Variants in ATXN1 observed in about 807,000 individuals in gnomAD.
ATXN1 encodes ataxin-1.
ATXN1 carries 8 observed loss-of-function variants against 56.4 expected under a neutral mutation model. The ratio of observed to expected loss-of-function variants is 0.14; its 90% CI spans 0.08 to 0.26. The LOEUF is 0.26. Ranked by LOEUF, ATXN1 falls within the 10% of genes least tolerant of loss-of-function variation. ATXN1 has a pLI of 1.00. For synonymous variants in ATXN1, 514 were observed against 494.6 expected (o/e 1.04, Z -0.52); for missense variants, 987 against 1,106.5 (o/e 0.89, Z 1.53).
intron 4 of ATXN1, among the ~76,000 whole-genome samples, chr6:16,582,825 T>C (rs1762553272): frequency 1.3e-5 from 2 of 152,190 alleles, no homozygotes; most frequent in South Asian, 4.1e-4. Flanking sequence ...TCTGAGTCTT[T>C]ATTGATTTTG....
At chr6:16,615,150 A>G (rs947479568) in intron 3 of ATXN1, 1 of 147,658 alleles carries the variant, frequency 6.8e-6, no homozygotes, top group Non-Finnish European at 1.5e-5. Flanking sequence ...AGGATGCTAC[A>G]TGTGCCTTAA....
At chr6:16,374,321 C>T (rs1341316660) in intron 6 of ATXN1, among the ~76,000 whole-genome samples, 2 of 152,192 alleles carry the variant, frequency 1.3e-5, no homozygotes, top group Non-Finnish European at 1.5e-5. Flanking sequence ...AGCTTAAAAA[C>T]TTCCCTACTA....
chr6:16,443,199 C>A (rs1372236650), intron 6 of ATXN1, among the ~76,000 whole-genome samples: 3 of 40,544 alleles, frequency 7.4e-5, no homozygotes, highest in Non-Finnish European at 4.5e-5. Context: ...ATAAATAAAT[C>A]TATTGGAGCA....
At chr6:16,430,658 T>C (rs796144960) in intron 6 of ATXN1, among the ~76,000 whole-genome samples, 48 of 152,322 alleles carry the variant, frequency 3.2e-4, no homozygotes, top group African/African-American at 1.2e-3. Flanking sequence ...TGTCTAGTTT[T>C]TACATAATGT....
chr6:16,670,246 G>T (rs566102119), intron 2 of ATXN1, among the ~76,000 whole-genome samples: 1 of 152,206 alleles, frequency 6.6e-6, no homozygotes, highest in South Asian at 2.1e-4. Context: ...GTCTGGCTCT[G>T]CCGTCACTCA....
chr6:16,640,802 T>C (rs2113820633), intron 3 of ATXN1, among the ~76,000 whole-genome samples: 1 of 152,064 alleles, frequency 6.6e-6, no homozygotes, highest in East Asian at 1.9e-4. Flanking sequence ...ATAAGAAAAC[T>C]AGAAATGATT....
intron 3 of ATXN1, among the ~76,000 whole-genome samples, chr6:16,611,232 T>A (rs1488388913): frequency 6.6e-6 from 1 of 152,190 alleles, no homozygotes. Context: ...ATAAAATGTG[T>A]TAATCTTATC....
intron 4 of ATXN1, among the ~76,000 whole-genome samples, chr6:16,580,671 T>G (rs942824791): frequency 9.9e-5 from 15 of 152,214 alleles, no homozygotes; most frequent in African/African-American, 3.6e-4. Flanking sequence ...TTTATAAAAC[T>G]TTCAAAGAAT....
intron 4 of ATXN1, among the ~76,000 whole-genome samples, chr6:16,569,317 G>A (rs552055604): frequency 4.6e-5 from 7 of 152,174 alleles, no homozygotes; most frequent in South Asian, 2.1e-4. Context: ...TCAGGAGTTC[G>A]AGACCAGCCT....
intron 6 of ATXN1, among the ~76,000 whole-genome samples, chr6:16,464,685 G>C (rs1760067095): frequency 6.6e-6 from 1 of 151,760 alleles, no homozygotes; most frequent in South Asian, 2.1e-4. Flanking sequence ...ATGTGAAAAG[G>C]GTACATACTG....
chr6:16,353,465 G>A (rs1289223223), intron 6 of ATXN1, among the ~76,000 whole-genome samples: 2 of 152,150 alleles, frequency 1.3e-5, no homozygotes, highest in Admixed American at 6.5e-5. Flanking sequence ...TTGGGGTCAG[G>A]AGTTCGAGAC....
At chr6:16,479,513 A>G (rs1031262740) in intron 6 of ATXN1, among the ~76,000 whole-genome samples, 4 of 152,188 alleles carry the variant, frequency 2.6e-5, no homozygotes, top group African/African-American at 4.8e-5. Context: ...TTCTTTTACA[A>G]AAGTGAAAAA....
intron 3 of ATXN1, among the ~76,000 whole-genome samples, chr6:16,643,777 A>ATT (rs1161662965): frequency 1.3e-5 from 2 of 152,182 alleles, no homozygotes; most frequent in African/African-American, 4.8e-5. Flanking sequence ...TGTCTCAGAA[A>ATT]GAGTTCGATC....
intron 6 of ATXN1, among the ~76,000 whole-genome samples, chr6:16,361,847 G>A (rs771962067): frequency 1.1e-4 from 17 of 152,180 alleles, no homozygotes; most frequent in Non-Finnish European, 2.9e-5. Context: ...ATTCTAAATG[G>A]TCAATGTTTC....
intron 2 of ATXN1, among the ~76,000 whole-genome samples, chr6:16,720,604 T>C (rs954551164): frequency 6.6e-6 from 1 of 152,268 alleles, no homozygotes; most frequent in Non-Finnish European, 1.5e-5. Context: ...ATGCTTACTA[T>C]TATTTTTGAA....
At chr6:16,683,066 T>C (rs1305606476) in intron 2 of ATXN1, among the ~76,000 whole-genome samples, 3 of 152,082 alleles carry the variant, frequency 2.0e-5, no homozygotes, top group Non-Finnish European at 4.4e-5. Flanking sequence ...GAGATCTAGG[T>C]TTCCAAAACA....
intron 6 of ATXN1, among the ~76,000 whole-genome samples, chr6:16,413,501 C>A (rs1581745658): frequency 6.6e-6 from 1 of 152,100 alleles, no homozygotes; most frequent in Non-Finnish European, 1.5e-5. Flanking sequence ...GGAACCCAAT[C>A]ATTTCTGAAA....
chr6:16,560,969 G>A (rs1028982576), intron 4 of ATXN1, among the ~76,000 whole-genome samples: 28 of 152,150 alleles, frequency 1.8e-4, no homozygotes, highest in African/African-American at 6.8e-4. Context: ...TTGTTCATAG[G>A]AGAACAAAAT....
At chr6:16,473,650 A>G (rs764946203) in intron 6 of ATXN1, among the ~76,000 whole-genome samples, 33 of 152,168 alleles carry the variant, frequency 2.2e-4, no homozygotes, top group South Asian at 6.2e-4. Flanking sequence ...TTTAGAACCC[A>G]AGGACATTGG....
Sources: gnomAD v4.1 joint callset for allele counts (sites outside exome capture counted in the v4.1 genomes callset) on GRCh38, gnomAD v4.1.1 for gene constraint, MANE v1.5 for transcripts, NCBI Gene and HGNC (gene_info 2026-07-23, HGNC 2026-07-21) for gene names.